The following BIRC6 variants were observed in gnomAD, a reference collection of about 807,000 sequenced individuals.
The protein encoded by BIRC6 is baculoviral IAP repeat containing 6, also known as dual E2 ubiquitin-conjugating enzyme/E3 ubiquitin-protein ligase BIRC6.
In BIRC6, 98 loss-of-function variants were observed where a neutral mutation model predicts 503.3. The observed-to-expected ratio is 0.19, with a 90% CI of 0.17 to 0.23. BIRC6 has a LOEUF of 0.23. Among genes scored for constraint, BIRC6 ranks in the 10% least tolerant of loss-of-function variants. The pLI is 1.00. For missense variants in BIRC6, 5,360 were observed against 5,806.0 expected (o/e 0.92, Z 2.50); for synonymous variants, 2,240 against 2,078.7 (o/e 1.08, Z -2.11).
At chr2:32,432,803 G>A (rs2044284838) in intron 12 of BIRC6, among the ~76,000 whole-genome samples, 1 of 151,724 alleles carries the variant, frequency 6.6e-6, no homozygotes, top group Non-Finnish European at 1.5e-5. Context: ...AGATGGGAAA[G>A]TGTTAGCAGG....
intron 65 of BIRC6, among the ~76,000 whole-genome samples, chr2:32,554,918 T>C (rs1198884002): frequency 6.6e-6 from 1 of 152,050 alleles, no homozygotes; most frequent in Non-Finnish European, 1.5e-5. Context: ...TCAAAGTAAA[T>C]GTGCAGTTGG....
intron 32 of BIRC6, 109 bp downstream of exon 32, chr2:32,471,233 C>A: frequency 7.3e-7 from 1 of 1,374,946 alleles, no homozygotes; most frequent in Non-Finnish European, 9.8e-7. Context: ...TGGCCTGGAG[C>A]TACCAGCTGT....
At chr2:32,504,894 T>G (rs540974432) in intron 49 of BIRC6, 111 bp from the exon 50 acceptor site, 1 of 973,678 alleles carries the variant, frequency 1.0e-6, no homozygotes, top group Admixed American at 2.4e-5. Flanking sequence ...CAGCATCAAT[T>G]GTTCATGTTT....
intron 55 of BIRC6, among the ~76,000 whole-genome samples, chr2:32,516,097 C>T (rs920060402): frequency 6.6e-6 from 1 of 152,306 alleles, no homozygotes; most frequent in Non-Finnish European, 1.5e-5. Flanking sequence ...TCACTGAGTA[C>T]TGTATGTGCC....
chr2:32,529,506 C>G, intron 59 of BIRC6, 145 bp from the exon 60 acceptor site: 1 of 675,686 alleles, frequency 1.5e-6, no homozygotes, highest in Non-Finnish European at 2.3e-6. Context: ...TGTAAACTTT[C>G]CAATGGCTGT....
intron 70 of BIRC6, among the ~76,000 whole-genome samples, chr2:32,601,304 G>A (rs1391627879): frequency 1.3e-5 from 2 of 152,186 alleles, no homozygotes; most frequent in Admixed American, 6.5e-5. Context: ...CACCTACGCC[G>A]GGCGTGGTGG....
intron 39 of BIRC6, among the ~76,000 whole-genome samples, chr2:32,482,994 C>G (rs576698836): frequency 6.6e-6 from 1 of 151,552 alleles, no homozygotes. Context: ...CCCATCTCAC[C>G]GCAACCGCTG....
At chr2:32,447,362 G>T (rs2046118140) in intron 21 of BIRC6, among the ~76,000 whole-genome samples, 1 of 151,564 alleles carries the variant, frequency 6.6e-6, no homozygotes, top group South Asian at 2.1e-4. Flanking sequence ...CCCGGATGGG[G>T]CGGCTGGCCG....
At chr2:32,489,453 T>A (rs1351873885) in intron 42 of BIRC6, among the ~76,000 whole-genome samples, 1 of 151,658 alleles carries the variant, frequency 6.6e-6, no homozygotes, top group East Asian at 1.9e-4. Flanking sequence ...TAAAATTTGT[T>A]TTCATCTGTT....
chr2:32,530,004 A>G (rs2056597050), intron 60 of BIRC6, among the ~76,000 whole-genome samples, 180 bp downstream of exon 60: 1 of 152,160 alleles, frequency 6.6e-6, no homozygotes, highest in African/African-American at 2.4e-5. Flanking sequence ...ACTAAGTTGC[A>G]TTATTTCTTA....
chr2:32,469,465 G>C lies in BIRC6; in HGVS notation c.6198G>C (p.Leu2066Phe), dbSNP rs1319875844. The change falls in exon 30 of 74, where the codon TTG becomes TTC. Residue 2066 changes from leucine to phenylalanine, a missense_variant. Around this residue, in one of 16 missense-constraint regions of BIRC6, gnomAD observed 2,299 missense variants for 2,267.2 expected, o/e 1.01. Coordinates refer to ENST00000421745, the MANE Select transcript of BIRC6 (RefSeq NM_016252.4). ...AQACEELFKH[L>F]CISGTPKIRL... ...CCTGTGAAGAGCTCTTTAAACACTT[G>C]TGCATCAGTGGAACCCCAAAGATAC... 1 of 1,613,800 alleles carries C rather than the reference G, an allele frequency of 6.2e-7. No homozygotes were observed. The highest frequency in any genetic ancestry group is 1.3e-5 in the African/African-American group (1 of 74,926).
Position 32,599,828 on chromosome 2 carries a change from C to T in BIRC6, c.13920C>T (p.Pro4640=), listed in dbSNP as rs201179936. ...TTCCTCAAGATTATCCCAGTTCACC[C>T]CCTCTTGTGAATCTAGAGACAACTG... The part of the protein sequence containing the change: ...VYFPQDYPSS[P]PLVNLETTGG... The change falls in exon 70 of 74, where the codon CCC becomes CCT. Residue 4640 remains proline, a synonymous_variant. Transcript: ENST00000421745. The T allele has an allele frequency of 2.5e-5, 40 of 1,613,852 alleles. No homozygotes were observed. The highest frequency in any genetic ancestry group is 4.0e-5 in the African/African-American group (3 of 75,026).
At position 32,442,447 on chromosome 2, in the gene BIRC6, G is replaced by T. The variant is rs1184498233; in HGVS notation, c.4230G>T (p.Leu1410Phe). 2 of 1,602,378 alleles carry T rather than the reference G, an allele frequency of 1.2e-6. No homozygotes were observed. The highest frequency in any genetic ancestry group is 1.7e-5 in the Admixed American group (1 of 57,954). ...IAHKCARFLA[L>F]CISNGKCDPC... is the part of the protein sequence containing the mutation. ...ATAAGTGTGCCCGATTTCTAGCCTT[G>T]TGCATTAGGTTGGTATGTTTTTAAG... The change falls in exon 19 of 74, where the codon TTG becomes TTT. Residue 1410 changes from leucine (L) to phenylalanine (F), a missense_variant. Transcript: ENST00000421745.
intron 39 of BIRC6, among the ~76,000 whole-genome samples, chr2:32,485,379 A>G (rs2050879501): frequency 6.6e-6 from 1 of 152,186 alleles, no homozygotes; most frequent in African/African-American, 2.4e-5. Flanking sequence ...CCTGGTTCTC[A>G]TTATCCTTAA....
intron 1 of BIRC6, among the ~76,000 whole-genome samples, chr2:32,374,088 A>T (rs2036366385): frequency 6.6e-6 from 1 of 152,184 alleles, no homozygotes; most frequent in Non-Finnish European, 1.5e-5. Flanking sequence ...AAGCGTACAG[A>T]GTTTCCCTTT....
At chr2:32,444,420 G>A (rs959543413) in intron 20 of BIRC6, among the ~76,000 whole-genome samples, 1 of 152,078 alleles carries the variant, frequency 6.6e-6, no homozygotes, top group Non-Finnish European at 1.5e-5. Context: ...TATCAAGTAG[G>A]AATTCATAAA....
chr2:32,472,471 A>G (rs2049213100), intron 32 of BIRC6, among the ~76,000 whole-genome samples: 1 of 152,272 alleles, frequency 6.6e-6, no homozygotes, highest in Admixed American at 6.5e-5. Flanking sequence ...TACTATGGAA[A>G]CATTGGTGGA....
Position 32,357,091 on chromosome 2 carries a change from G to T in BIRC6, c.-71G>T. 1 of 1,317,412 alleles carries T rather than the reference G, an allele frequency of 7.6e-7. No individual in the cohort carries two copies. Among genetic ancestry groups the T allele is most frequent in the East Asian group, 3.0e-5 (1 of 33,348 alleles). 81.6% of individuals were successfully genotyped at this position (1,317,412 alleles called of 1,614,324 possible). A position where few individuals can be genotyped will look rare whatever the true frequency, so the allele number is the denominator to read the frequency against. On this transcript the variant is annotated 5_prime_UTR_variant, in exon 1 of 74. Coordinates refer to ENST00000421745, the MANE Select transcript of BIRC6 (RefSeq NM_016252.4). This position sits in a 1 kb window ranked among gnomAD's most constrained non-coding sequence, Gnocchi z 4.9. The stretch of plus-strand genomic sequence containing the variant: ...GTTTGGCCCCTCCGGCCGGGCGATC[G>T]ACGTTCCGCGTGCGTGCGGGCGCCT...
chr2:32,381,959 G>A (rs568827276), intron 3 of BIRC6, among the ~76,000 whole-genome samples: 2 of 152,054 alleles, frequency 1.3e-5, no homozygotes, highest in East Asian at 3.9e-4. Flanking sequence ...TGTCATGATT[G>A]TATTATACCT....
Sources: allele counts gnomAD v4.1 joint callset (sites outside exome capture counted in the v4.1 genomes callset), GRCh38; gene constraint gnomAD v4.1.1; regional missense constraint gnomAD v4.1.1; non-coding constraint Gnocchi (gnomAD v3.1); transcripts MANE v1.5; gene names NCBI Gene and HGNC (gene_info 2026-07-23, HGNC 2026-07-21).